AAK1: variants seen among roughly 807,000 people sequenced by gnomAD.
AAK1 encodes AP2-associated protein kinase 1.
A neutral mutation model predicts 116.0 loss-of-function variants in AAK1; 37 were observed. That is an observed-to-expected ratio of 0.32 (90% CI 0.25 to 0.42). The LOEUF (loss-of-function observed/expected upper bound fraction) is 0.42, where lower values mean the gene tolerates loss of function less well. Ranked by LOEUF, AAK1 falls within the 10% of genes least tolerant of loss-of-function variation. The probability of loss-of-function intolerance (pLI) is 1.00; values close to 1 mark genes in which losing one functional copy is unlikely to be tolerated. For missense variants in AAK1, 919 were observed against 1,170.6 expected (o/e 0.79, Z 3.14); for synonymous variants, 458 against 439.9 (o/e 1.04, Z -0.51).
chr2:69,578,873 G>A (rs532241597), intron 2 of AAK1, among the ~76,000 whole-genome samples: 1 of 149,204 alleles, frequency 6.7e-6, no homozygotes, highest in Non-Finnish European at 1.5e-5. Flanking sequence ...GCGCGGTCTC[G>A]GCTCACTGCA....
At position 69,475,287 on chromosome 2, in the gene AAK1, A is replaced by G. The variant is rs1280551471; in HGVS notation, c.*582T>C. 1.0e-6 allele frequency: 1 copy of G among 985,784 alleles called. No individual in the cohort carries two copies. The highest frequency in any genetic ancestry group is 1.1e-4 in the East Asian group (1 of 8,828). 61.1% of individuals were successfully genotyped at this position (985,784 alleles called of 1,614,324 possible). ...AGTTGGTTGGCTAGAGCTGGGCTCA[A>G]TTTCTCTTCTCAAATATATACTACC... On this transcript the variant is annotated 3_prime_UTR_variant, in exon 22 of 22. Coordinates refer to ENST00000409085, the MANE Select transcript of AAK1 (RefSeq NM_014911.5).
At position 69,588,101 on chromosome 2, in the gene AAK1, T is replaced by C. The variant is rs116582010; in HGVS notation, c.164-31123A>G. Among the ~76,000 whole-genome samples the C allele has an allele frequency of 3.5e-3, 536 of 152,174 alleles. 4 individuals carry two copies. The highest frequency in any genetic ancestry group is 0.012 in the African/African-American group (513 of 41,506). On this transcript the variant is annotated intron_variant, in intron 2 of 21. Coordinates refer to ENST00000409085, the MANE Select transcript of AAK1 (RefSeq NM_014911.5). ...TTTCTAAGGAGCAAGACTTTGGAGT[T>C]AGATAAGGGTTCAAATCCCACAGCC...
intron 2 of AAK1, among the ~76,000 whole-genome samples, chr2:69,620,321 T>C (rs2105235388): frequency 6.6e-6 from 1 of 152,342 alleles, no homozygotes; most frequent in African/African-American, 2.4e-5. Flanking sequence ...CCTTGCTCCA[T>C]GAGGAACTGC....
chr2:69,553,270 G>A (rs1002402857), intron 3 of AAK1, among the ~76,000 whole-genome samples: 2 of 151,994 alleles, frequency 1.3e-5, no homozygotes, highest in African/African-American at 4.8e-5. Flanking sequence ...ACTCCCAACG[G>A]ACTAGGCATT....
At position 69,470,083 on chromosome 2, in the gene AAK1, C is replaced by T. The variant is rs1362802652; in HGVS notation, c.*5786G>A. 2 of 985,306 alleles carry T rather than the reference C, an allele frequency of 2.0e-6. No homozygotes were observed. The highest frequency in any genetic ancestry group is 3.5e-5 in the African/African-American group (2 of 57,230). 61.0% of individuals were successfully genotyped at this position (985,306 alleles called of 1,614,324 possible). On this transcript the variant is annotated 3_prime_UTR_variant, in exon 22 of 22. Coordinates refer to ENST00000409085, the MANE Select transcript of AAK1 (RefSeq NM_014911.5). ...GTGAGGGCCATCAGAATGCTCCCTA[C>T]AGAATTAAAATCTGAAGACTTAAAT...
chr2:69,560,935 G>T (rs1572958171), intron 2 of AAK1, among the ~76,000 whole-genome samples: 1 of 152,224 alleles, frequency 6.6e-6, no homozygotes, highest in Non-Finnish European at 1.5e-5. Flanking sequence ...AAACGAATGT[G>T]ATGGCTCATG....
chr2:69,594,886 T>C lies in AAK1; in HGVS notation c.164-37908A>G, dbSNP rs183163989. On this transcript the variant is annotated intron_variant, in intron 2 of 21. Coordinates refer to ENST00000409085, the MANE Select transcript of AAK1 (RefSeq NM_014911.5). ...CACAATCTTCTTTGTAGTTTTAGCCTTTTTCCAGAAAATCGGCTTAGTTTG... is the reference window on the plus strand; with the variant it reads ...CACAATCTTCTTTGTAGTTTTAGCCCTTTTCCAGAAAATCGGCTTAGTTTG... The C allele has an allele frequency of 1.4e-4, 213 of 1,533,448 alleles. 1 individual carries two copies. The East Asian group carries it at 3.3e-3, about 24-fold the overall frequency. The allele number at this position is 1,533,448 out of a possible 1,614,324, so 95.0% of individuals were successfully genotyped here.
intron 2 of AAK1, among the ~76,000 whole-genome samples, chr2:69,564,075 C>T (rs1317832081): frequency 6.6e-6 from 1 of 151,924 alleles, no homozygotes; most frequent in Admixed American, 6.6e-5. Context: ...GCCTGTAATC[C>T]CAGCTACTCG....
chr2:69,511,104 A>C (rs1245460762), intron 13 of AAK1, among the ~76,000 whole-genome samples: 1 of 152,222 alleles, frequency 6.6e-6, no homozygotes, highest in Non-Finnish European at 1.5e-5. Flanking sequence ...CTTTGGATAT[A>C]AAATGCCCCA....
At position 69,547,494 on chromosome 2, in the gene AAK1, G is replaced by A. The variant is rs973147217; in HGVS notation, c.283-2950C>T. Among the ~76,000 whole-genome samples the A allele has an allele frequency of 2.5e-4, 38 of 151,974 alleles. 1 individual carries two copies. The highest frequency in any genetic ancestry group is 1.0e-4 in the Non-Finnish European group (7 of 67,980). On this transcript the variant is annotated intron_variant, in intron 3 of 21. Transcript: ENST00000409085. ...TTCCAAAGAGCATATACAAATGCCC[G>A]AAAGTATATGAAAAGATGATCAGCA...
chr2:69,622,093 G>A (rs113207866), intron 2 of AAK1, among the ~76,000 whole-genome samples: 20,106 of 152,268 alleles, frequency 0.13, 3,083 homozygotes, highest in African/African-American at 0.36. Context: ...GGAGAGGTGC[G>A]GGCGGGAACC....
chr2:69,573,872 G>A (rs1672189477), intron 2 of AAK1, among the ~76,000 whole-genome samples: 1 of 151,888 alleles, frequency 6.6e-6, no homozygotes, highest in Non-Finnish European at 1.5e-5. Flanking sequence ...GGTTGCGGGT[G>A]CTTGTAATCT....
chr2:69,546,032 G>A (rs529784818), intron 3 of AAK1, among the ~76,000 whole-genome samples: 2 of 151,936 alleles, frequency 1.3e-5, no homozygotes, highest in African/African-American at 2.4e-5. Context: ...GATAATTGAC[G>A]GAAAAAGTCC....
chr2:69,642,828 G>C, intron 2 of AAK1, 50 bp downstream of exon 2: 1 of 1,610,748 alleles, frequency 6.2e-7, no homozygotes, highest in Non-Finnish European at 8.5e-7. Flanking sequence ...CCACAGTATT[G>C]CCGCATCAGC....
chr2:69,472,276 A>G lies in AAK1; in HGVS notation c.*3593T>C, dbSNP rs528005893. Reference sequence around the variant, plus strand: ...GAATTTGCTTTCTGGAAATGGCTAAATGTTACTCAGAACCAAGAGTAGTAG... The same window carrying G: ...GAATTTGCTTTCTGGAAATGGCTAAGTGTTACTCAGAACCAAGAGTAGTAG... On this transcript the variant is annotated 3_prime_UTR_variant, in exon 22 of 22. Coordinates refer to ENST00000409085, the MANE Select transcript of AAK1 (RefSeq NM_014911.5). 6.1e-5 allele frequency: 34 copies of G among 560,306 alleles called. No individual in the cohort carries two copies. In the African/African-American group the frequency reaches 6.5e-4, roughly 11 times the overall value. 34.7% of individuals were successfully genotyped at this position (560,306 alleles called of 1,614,324 possible). A position where few individuals can be genotyped will look rare whatever the true frequency, so the allele number is the denominator to read the frequency against.
In AAK1 at chr2:69,468,832, C is replaced by T. The variant is rs1234011882; in HGVS notation, c.*7037G>A. ...GAGAGGATGGAAGAACATGTCTAAC[C>T]CATCAAAATTATTTGTTAAAAAGTG... On this transcript the variant is annotated 3_prime_UTR_variant, in exon 22 of 22. Transcript: ENST00000409085. 8 of 985,154 alleles carry T rather than the reference C, an allele frequency of 8.1e-6. No individual in the cohort carries two copies. The highest frequency in any genetic ancestry group is 9.6e-6 in the Non-Finnish European group (8 of 829,910). The allele number at this position is 985,154 out of a possible 1,614,324, so 61.0% of individuals were successfully genotyped here.
In AAK1 at chr2:69,478,985, A is replaced by G; in HGVS notation, c.2646T>C (p.Phe882=). 2.5e-6 allele frequency: 4 copies of G among 1,613,896 alleles called. No individual in the cohort carries two copies. The highest frequency in any genetic ancestry group is 3.4e-6 in the Non-Finnish European group (4 of 1,179,780). ...SNPTTDLLEE[F]APTAISAPVH... is the part of the protein sequence containing the mutation. The stretch of plus-strand genomic sequence containing the variant: ...CTGGAGCAGAGATTGCTGTGGGGGC[A>G]AACTCTTCCAGAAGGTCAGTAGTAG... Residue 882 remains phenylalanine, a synonymous_variant, in exon 20 of 22, where the codon TTT becomes TTC. Transcript: ENST00000409085.
At chr2:69,642,466 G>GCC in intron 2 of AAK1, among the ~76,000 whole-genome samples, 1 of 152,120 alleles carries the variant, frequency 6.6e-6, no homozygotes, top group East Asian at 1.9e-4. Flanking sequence ...TTGGGTAGGA[G>GCC]AAGGAGAAAC....
At chr2:69,526,560 G>A (rs1360085188) in intron 9 of AAK1, among the ~76,000 whole-genome samples, 1 of 152,034 alleles carries the variant, frequency 6.6e-6, no homozygotes, top group Admixed American at 6.6e-5. Flanking sequence ...CATCCTCCTC[G>A]GCCTCCCAAA....
Sources: gnomAD v4.1 joint callset for allele counts (sites outside exome capture counted in the v4.1 genomes callset) on GRCh38, gnomAD v4.1.1 for gene constraint, MANE v1.5 for transcripts, NCBI Gene and HGNC (gene_info 2026-07-23, HGNC 2026-07-21) for gene names.